Variants in GSTCD observed in about 807,000 individuals in gnomAD.
The protein encoded by GSTCD is glutathione S-transferase C-terminal domain containing.
GSTCD carries 44 observed loss-of-function variants against 68.3 expected under a neutral mutation model. That is an observed-to-expected ratio of 0.64 (90% CI 0.51 to 0.83). The LOEUF is 0.83. GSTCD is among the 40% of genes least tolerant of loss of function. The probability of loss-of-function intolerance (pLI) is 0.00; values close to 1 mark genes in which losing one functional copy is unlikely to be tolerated. For missense variants in GSTCD, 739 were observed against 735.9 expected (o/e 1.00, Z -0.05); for synonymous variants, 273 against 255.2 (o/e 1.07, Z -0.67).
intron 5 of GSTCD, among the ~76,000 whole-genome samples, chr4:105,798,538 A>T (rs756533864): frequency 6.6e-6 from 1 of 152,202 alleles, no homozygotes; most frequent in Non-Finnish European, 1.5e-5. Flanking sequence ...TTACTCCTTG[A>T]ACCATGAGCT....
intron 5 of GSTCD, among the ~76,000 whole-genome samples, chr4:105,736,965 C>A (rs1333708717): frequency 6.6e-6 from 1 of 152,016 alleles, no homozygotes; most frequent in Non-Finnish European, 1.5e-5. Context: ...TATATATGTA[C>A]CACATTTTCT....
chr4:105,790,599 C>A (rs1347589085), intron 5 of GSTCD, among the ~76,000 whole-genome samples: 2 of 152,012 alleles, frequency 1.3e-5, no homozygotes, highest in Admixed American at 1.3e-4. Flanking sequence ...TATGATTGCA[C>A]TATTGCACTC....
At chr4:105,787,033 A>C (rs1735493038) in intron 5 of GSTCD, among the ~76,000 whole-genome samples, 1 of 152,110 alleles carries the variant, frequency 6.6e-6, no homozygotes, top group Non-Finnish European at 1.5e-5. Flanking sequence ...AAACTTGTGC[A>C]ATGAATGGTC....
intron 5 of GSTCD, among the ~76,000 whole-genome samples, chr4:105,778,560 C>T (rs1256282122): frequency 6.6e-6 from 1 of 151,962 alleles, no homozygotes; most frequent in Non-Finnish European, 1.5e-5. Flanking sequence ...ATTATCATGC[C>T]ATTTTTTTCC....
intron 5 of GSTCD, among the ~76,000 whole-genome samples, chr4:105,732,371 CT>C (rs1364240211): frequency 3.3e-5 from 5 of 152,084 alleles, no homozygotes; most frequent in African/African-American, 7.2e-5. Flanking sequence ...ATTTCAGAGC[CT>C]GTTATTGGTC....
At chr4:105,791,404 A>G (rs541337054) in intron 5 of GSTCD, among the ~76,000 whole-genome samples, 31 of 151,854 alleles carry the variant, frequency 2.0e-4, no homozygotes, top group African/African-American at 6.0e-4. Flanking sequence ...AAAAAAAAAA[A>G]AAAAAGAAAA....
intron 10 of GSTCD, 65 bp from the exon 11 acceptor site, chr4:105,842,000 G>T: frequency 1.6e-6 from 2 of 1,229,398 alleles, no homozygotes; most frequent in South Asian, 1.2e-5. Flanking sequence ...TTTTTTGGTG[G>T]TTGTTTTTAT....
At chr4:105,840,132 C>T (rs1724280486) in intron 10 of GSTCD, 3 of 442,018 alleles carry the variant, frequency 6.8e-6, no homozygotes, top group African/African-American at 6.1e-5. Flanking sequence ...AGAACATACA[C>T]ACAAATAATT....
intron 5 of GSTCD, among the ~76,000 whole-genome samples, chr4:105,784,580 T>A (rs1578472366): frequency 1.3e-5 from 2 of 152,244 alleles, no homozygotes; most frequent in East Asian, 3.8e-4. Context: ...TGATGATTGT[T>A]GCCTGAATTA....
chr4:105,811,852 TTG>T (rs1274447198), intron 5 of GSTCD, among the ~76,000 whole-genome samples: 1 of 152,288 alleles, frequency 6.6e-6, no homozygotes, highest in East Asian at 1.9e-4. Context: ...TGATAAATAA[TTG>T]TGAACTGAAG....
chr4:105,736,755 C>T (rs1329405211), intron 5 of GSTCD, among the ~76,000 whole-genome samples: 2 of 152,160 alleles, frequency 1.3e-5, no homozygotes, highest in African/African-American at 2.4e-5. Flanking sequence ...TTTCCAGTCC[C>T]TAGTAACTAC....
intron 5 of GSTCD, among the ~76,000 whole-genome samples, chr4:105,743,023 C>T (rs1460674533): frequency 6.8e-6 from 1 of 147,220 alleles, no homozygotes; most frequent in Admixed American, 7.0e-5. Context: ...GATCTCAGCT[C>T]ACTGCAAGCG....
chr4:105,842,099 C>T lies in GSTCD; in HGVS notation c.1730C>T (p.Thr577Ile), dbSNP rs1384585663. Residue 577 changes from threonine to isoleucine, a missense_variant, in exon 11 of 12, where the codon ACA becomes ATA. Transcript: ENST00000515279. ...HMILCRFADQTAVQLPPQRRL... is the reference protein window; with the variant it reads ...HMILCRFADQIAVQLPPQRRL... ...ATTCTGTGCAGATTTGCAGACCAGA[C>T]AGCTGTCCAGCTCCCACCCCAACGA... 2 of 1,614,040 alleles carry T rather than the reference C, an allele frequency of 1.2e-6. No homozygotes were observed. The highest frequency in any genetic ancestry group is 1.6e-4 in the Middle Eastern group (1 of 6,062).
intron 5 of GSTCD, among the ~76,000 whole-genome samples, chr4:105,738,188 C>A (rs72671870): frequency 0.045 from 6,775 of 152,228 alleles, 208 homozygotes; most frequent in Middle Eastern, 0.13. Flanking sequence ...TAGCAATATA[C>A]AAATGGTCAA....
chr4:105,847,066 T>C lies in GSTCD; in HGVS notation c.*1489T>C, dbSNP rs1724576687. ...TAAAACTTATTAGTGGTGTGAGGAGTGCAGAATATGGAAGCTTACCTAAAT... is the reference window on the plus strand; with the variant it reads ...TAAAACTTATTAGTGGTGTGAGGAGCGCAGAATATGGAAGCTTACCTAAAT... On this transcript the variant is annotated 3_prime_UTR_variant, in exon 12 of 12. Transcript: ENST00000515279. 6.6e-6 allele frequency: 1 copy of C among 152,164 alleles called. No individual in the cohort carries two copies. Among genetic ancestry groups the C allele is most frequent in the African/African-American group, 2.4e-5 (1 of 41,426 alleles). The allele number at this position is 152,164 out of a possible 1,614,324, so 9.4% of individuals were successfully genotyped here.
chr4:105,793,284 ACC>A (rs1028160880), intron 5 of GSTCD, among the ~76,000 whole-genome samples: 1 of 151,932 alleles, frequency 6.6e-6, no homozygotes, highest in Non-Finnish European at 1.5e-5. Context: ...TTTTGTCAAG[ACC>A]TTTGTAAGGT....
rs1431579862 is a variant in GSTCD at position 105,845,756 on chromosome 4, G to T, written c.*179G>T. 1 of 602,414 alleles carries T rather than the reference G, an allele frequency of 1.7e-6. No homozygotes were observed. Among genetic ancestry groups the T allele is most frequent in the African/African-American group, 1.8e-5 (1 of 54,176 alleles). 37.3% of individuals were successfully genotyped at this position (602,414 alleles called of 1,614,324 possible). ...AGGCTCCCTGCAAAGCATCACAAAT[G>T]CTTTACAATGTGTGATTAAAGGACT... is the stretch of plus-strand genomic sequence containing the variant. On this transcript the variant is annotated 3_prime_UTR_variant, in exon 12 of 12. Coordinates refer to ENST00000515279, the MANE Select transcript of GSTCD (RefSeq NM_001370181.1).
At chr4:105,770,936 G>A (rs560934766) in intron 5 of GSTCD, among the ~76,000 whole-genome samples, 1 of 152,256 alleles carries the variant, frequency 6.6e-6, no homozygotes, top group South Asian at 2.1e-4. Flanking sequence ...GTATCCTTGA[G>A]GAATCGCCAC....
intron 5 of GSTCD, among the ~76,000 whole-genome samples, chr4:105,796,340 A>G (rs1486467273): frequency 6.6e-6 from 1 of 152,210 alleles, no homozygotes; most frequent in African/African-American, 2.4e-5. Flanking sequence ...GGTTCCTCCC[A>G]TGACATGTGG....
Sources: allele counts gnomAD v4.1 joint callset (sites outside exome capture counted in the v4.1 genomes callset), GRCh38; gene constraint gnomAD v4.1.1; transcripts MANE v1.5; gene names NCBI Gene and HGNC (gene_info 2026-07-23, HGNC 2026-07-21).